Variants in CDH18 observed in about 807,000 individuals in gnomAD.
CDH18 encodes the protein cadherin 18.
In CDH18, 31 loss-of-function variants were observed where a neutral mutation model predicts 67.9. That is an observed-to-expected ratio of 0.46 (90% CI 0.34 to 0.62). The LOEUF (loss-of-function observed/expected upper bound fraction) is 0.62, where lower values mean the gene tolerates loss of function less well. Ranked by LOEUF, CDH18 falls within the 20% of genes least tolerant of loss-of-function variation. CDH18 has a pLI of 0.01. For missense variants in CDH18, 890 were observed against 975.5 expected, an observed-to-expected ratio of 0.91 and a Z score of 1.17; for synonymous variants, 362 against 347.2, an observed-to-expected ratio of 1.04 and a Z score of -0.48.
intron 5 of CDH18, among the ~76,000 whole-genome samples, chr5:19,714,184 G>C (rs539659126): frequency 6.6e-6 from 1 of 152,170 alleles, no homozygotes; most frequent in African/African-American, 2.4e-5. Flanking sequence ...GGGAGCATTG[G>C]CACCTTTATA....
At chr5:19,855,367 T>C (rs1389546528) in intron 2 of CDH18, among the ~76,000 whole-genome samples, 1 of 152,174 alleles carries the variant, frequency 6.6e-6, no homozygotes, top group Admixed American at 6.6e-5. Context: ...TCCTTCTTTA[T>C]GCATAACCAT....
chr5:20,005,271 C>A (rs1736793734), intron 2 of CDH18, among the ~76,000 whole-genome samples: 1 of 152,074 alleles, frequency 6.6e-6, no homozygotes, highest in Admixed American at 6.6e-5. Context: ...AGAGCCTAAT[C>A]TGAACAGATG....
chr5:20,418,041 A>C (rs1299993128), intron 1 of CDH18, among the ~76,000 whole-genome samples: 1 of 152,006 alleles, frequency 6.6e-6, no homozygotes, highest in African/African-American at 2.4e-5. Flanking sequence ...TTTTCCACAG[A>C]TAAAGAGACT....
intron 5 of CDH18, among the ~76,000 whole-genome samples, chr5:19,706,567 G>T (rs965999757): frequency 6.6e-6 from 1 of 152,176 alleles, no homozygotes; most frequent in Admixed American, 6.6e-5. Flanking sequence ...GTACATGTAT[G>T]TGTGGACACC....
intron 3 of CDH18, among the ~76,000 whole-genome samples, chr5:19,835,457 T>A (rs1781519334): frequency 6.6e-6 from 1 of 151,952 alleles, no homozygotes; most frequent in Non-Finnish European, 1.5e-5. Flanking sequence ...TGTATCCCTT[T>A]TTTTTGTTTG....
intron 4 of CDH18, among the ~76,000 whole-genome samples, chr5:19,737,851 A>G (rs1277009916): frequency 6.6e-6 from 1 of 152,216 alleles, no homozygotes; most frequent in African/African-American, 2.4e-5. Context: ...TAATATTTTT[A>G]GTGATACTTG....
intron 1 of CDH18, among the ~76,000 whole-genome samples, chr5:20,493,356 T>TAAAAAAAAAAAAAAAAAAA (rs148292031): frequency 2.1e-5 from 1 of 47,194 alleles, no homozygotes; most frequent in Non-Finnish European, 3.5e-5. Flanking sequence ...TTCAGAAAAT[T>TAAAAAAAAAAAAAAAAAAA]AAAAAAAAAA....
intron 11 of CDH18, among the ~76,000 whole-genome samples, chr5:19,493,269 C>T (rs773805830): frequency 6.6e-6 from 1 of 152,068 alleles, no homozygotes; most frequent in Non-Finnish European, 1.5e-5. Flanking sequence ...GACAGCAAGC[C>T]CCTTGAAAGC....
At chr5:19,636,361 TA>T (rs910060340) in intron 5 of CDH18, among the ~76,000 whole-genome samples, 13 of 151,664 alleles carry the variant, frequency 8.6e-5, no homozygotes, top group African/African-American at 1.9e-4. Flanking sequence ...TTTTAATGGT[TA>T]AAAAAAACAT....
intron 2 of CDH18, among the ~76,000 whole-genome samples, chr5:20,201,148 T>C (rs929536091): frequency 6.6e-6 from 1 of 151,930 alleles, no homozygotes; most frequent in African/African-American, 2.4e-5. Context: ...TTGTAACTTC[T>C]GGTGTTTGCC....
chr5:19,711,092 A>C (rs565524336), intron 5 of CDH18, among the ~76,000 whole-genome samples: 1 of 152,134 alleles, frequency 6.6e-6, no homozygotes, highest in South Asian at 2.1e-4. Flanking sequence ...ATTATATATA[A>C]AAATTATCTA....
chr5:19,638,779 A>G (rs145591700), intron 5 of CDH18, among the ~76,000 whole-genome samples: 22 of 152,042 alleles, frequency 1.4e-4, no homozygotes, highest in African/African-American at 4.1e-4. Context: ...TATTAAAAGG[A>G]TAGGATAAGG....
chr5:20,392,290 T>G (rs1473871376), intron 1 of CDH18, among the ~76,000 whole-genome samples: 1 of 151,816 alleles, frequency 6.6e-6, no homozygotes, highest in Non-Finnish European at 1.5e-5. Flanking sequence ...AAATATCACT[T>G]TTCAAAACAG....
At chr5:20,236,970 G>C (rs887312446) in intron 2 of CDH18, among the ~76,000 whole-genome samples, 1 of 151,766 alleles carries the variant, frequency 6.6e-6, no homozygotes, top group Non-Finnish European at 1.5e-5. Flanking sequence ...AGAAAGAAAA[G>C]AAAAGACAGT....
intron 9 of CDH18, among the ~76,000 whole-genome samples, chr5:19,531,035 C>T (rs1014927509): frequency 1.1e-4 from 17 of 152,186 alleles, no homozygotes; most frequent in Non-Finnish European, 1.5e-5. Flanking sequence ...AATCACCTGT[C>T]TTCTGCATCG....
chr5:19,845,648 G>T (rs7708832), intron 2 of CDH18, among the ~76,000 whole-genome samples: 11 of 151,898 alleles, frequency 7.2e-5, no homozygotes, highest in African/African-American at 2.7e-4. Flanking sequence ...TCTCTATTCA[G>T]TTCTGTCAAT....
chr5:19,655,446 T>C (rs1274177743), intron 5 of CDH18, among the ~76,000 whole-genome samples: 1 of 151,742 alleles, frequency 6.6e-6, no homozygotes, highest in Non-Finnish European at 1.5e-5. Flanking sequence ...TATATATATT[T>C]AAAATAAGGA....
rs1554064294 is a variant in CDH18, at chr5:19,920,893, G to GCGCACACA, written c.-257+60166_-257+60167insTGTGTGCG. On this transcript the variant is annotated intron_variant, in intron 2 of 12. Transcript: ENST00000382275. ...ATTATATATATGTATACCCACAAGAGCACACACACACACACACACACACAC... is the reference window on the plus strand; with the variant it reads ...ATTATATATATGTATACCCACAAGAGCGCACACACACACACACACACACACACACACAC... Among the ~76,000 whole-genome samples the GCGCACACA allele has an allele frequency of 1.1e-3, 168 of 146,198 alleles. 2 individuals are homozygous for GCGCACACA. Among genetic ancestry groups the GCGCACACA allele is most frequent in the Middle Eastern group, 3.5e-3 (1 of 286 alleles).
intron 2 of CDH18, among the ~76,000 whole-genome samples, chr5:19,942,238 G>A (rs1449886935): frequency 6.6e-6 from 1 of 152,058 alleles, no homozygotes; most frequent in Non-Finnish European, 1.5e-5. Context: ...ATTTCAGTGT[G>A]GTCATATTCC....
Sources: gnomAD v4.1 joint callset for allele counts (sites outside exome capture counted in the v4.1 genomes callset) on GRCh38, gnomAD v4.1.1 for gene constraint, MANE v1.5 for transcripts, NCBI Gene and HGNC (gene_info 2026-07-23, HGNC 2026-07-21) for gene names.